DSTYK: variants seen among roughly 807,000 people sequenced by gnomAD.
The protein encoded by DSTYK is dual serine/threonine and tyrosine protein kinase, also known as RIP-homologous kinase.
A neutral mutation model predicts 98.7 loss-of-function variants in DSTYK; 34 were observed. That is an observed-to-expected ratio of 0.34 (90% CI 0.26 to 0.46). The LOEUF is 0.46. DSTYK is among the 20% of genes least tolerant of loss of function. The pLI is 1.00. For missense variants in DSTYK, 962 were observed against 1,181.7 expected (o/e 0.81, Z 2.73); for synonymous variants, 462 against 457.3 (o/e 1.01, Z -0.13).
At position 205,192,637 on chromosome 1, in the gene DSTYK, G is replaced by A. The variant is rs1173156634; in HGVS notation, c.266-4831C>T. Among the ~76,000 whole-genome samples the A allele has an allele frequency of 2.0e-5, 3 of 152,072 alleles. No homozygotes were observed. In the South Asian group the frequency reaches 6.2e-4, roughly 32 times the overall value. On this transcript the variant is annotated intron_variant, in intron 1 of 12. Transcript: ENST00000367162. ...AGCACTTTGGGAGGCCAAGGCAGGT[G>A]GATCACCTGAGGTCAGGAGTTCGAG...
chr1:205,171,655 C>T (rs776469832), intron 2 of DSTYK, among the ~76,000 whole-genome samples: 25 of 152,108 alleles, frequency 1.6e-4, no homozygotes, highest in Non-Finnish European at 3.5e-4. Context: ...ACATTGTCTA[C>T]TTTGCCTGGC....
At chr1:205,181,401 C>A (rs1658392194) in intron 2 of DSTYK, among the ~76,000 whole-genome samples, 1 of 152,152 alleles carries the variant, frequency 6.6e-6, no homozygotes, top group Non-Finnish European at 1.5e-5. Flanking sequence ...GTTGCCCAGG[C>A]TGGAGTGCAG....
At chr1:205,180,025 T>G (rs116762222) in intron 2 of DSTYK, among the ~76,000 whole-genome samples, 248 of 152,360 alleles carry the variant, frequency 1.6e-3, no homozygotes, top group African/African-American at 4.0e-3. Context: ...GTCAGATTTT[T>G]GCCTCAAGAG....
intron 2 of DSTYK, among the ~76,000 whole-genome samples, chr1:205,177,856 G>C (rs1411025578): frequency 1.3e-5 from 2 of 149,260 alleles, no homozygotes; most frequent in Non-Finnish European, 3.0e-5. Context: ...GACAGAGCGA[G>C]ACTTCATCTC....
intron 3 of DSTYK, among the ~76,000 whole-genome samples, chr1:205,167,591 A>G (rs186561235): frequency 1.3e-5 from 2 of 152,334 alleles, no homozygotes; most frequent in East Asian, 3.9e-4. Flanking sequence ...AGACCAACTG[A>G]CATAGAAAAT....
intron 2 of DSTYK, among the ~76,000 whole-genome samples, chr1:205,179,576 GC>G (rs1658335345): frequency 6.7e-6 from 1 of 148,546 alleles, no homozygotes; most frequent in African/African-American, 2.5e-5. Flanking sequence ...AGCCGAGATC[GC>G]GCCACTGCAC....
chr1:205,175,391 AG>A (rs1484124172), intron 2 of DSTYK, among the ~76,000 whole-genome samples: 1 of 152,280 alleles, frequency 6.6e-6, no homozygotes, highest in East Asian at 1.9e-4. Context: ...CGTGCCCGCC[AG>A]AAGCTGCCTA....
At chr1:205,207,822 CTTAA>C (rs1659255670) in intron 1 of DSTYK, among the ~76,000 whole-genome samples, 1 of 148,012 alleles carries the variant, frequency 6.8e-6, no homozygotes, top group Non-Finnish European at 1.5e-5. Context: ...CTCTGCTACT[CTTAA>C]TACTCCACCC....
Position 205,145,535 on chromosome 1 carries a change from T to G in DSTYK, c.*2023A>C, listed in dbSNP as rs1199437783. On this transcript the variant is annotated 3_prime_UTR_variant, in exon 13 of 13. Coordinates refer to ENST00000367162, the MANE Select transcript of DSTYK (RefSeq NM_015375.3). ...TCATCTTTGTTTTTTGTTTTTTTTT[T>G]TGTTTTTTTTTGAGATAGAGTCTCG... is the stretch of plus-strand genomic sequence containing the variant. 2 of 136,880 alleles carry G rather than the reference T, an allele frequency of 1.5e-5. No homozygotes were observed. Among genetic ancestry groups the G allele is most frequent in the East Asian group, 5.3e-4 (2 of 3,804 alleles). 8.5% of individuals were successfully genotyped at this position (136,880 alleles called of 1,614,324 possible).
intron 2 of DSTYK, among the ~76,000 whole-genome samples, chr1:205,171,593 G>A (rs1199963595): frequency 1.3e-5 from 2 of 151,778 alleles, no homozygotes; most frequent in Non-Finnish European, 2.9e-5. Context: ...AAGAGCATAT[G>A]TCCATCTACT....
rs1280018637 is a variant in DSTYK, at chr1:205,148,230, G to A, written c.2577C>T (p.Asp859=). 14 of 1,613,974 alleles carry A rather than the reference G, an allele frequency of 8.7e-6. No individual in the cohort carries two copies. The highest frequency in any genetic ancestry group is 1.0e-5 in the Non-Finnish European group (12 of 1,180,006). The change falls in exon 12 of 13, where the codon GAC becomes GAT. Residue 859 remains aspartate (D), a synonymous_variant. Coordinates refer to ENST00000367162, the MANE Select transcript of DSTYK (RefSeq NM_015375.3). The part of the protein sequence containing the change: ...PEAFERCASK[D]HLWNNVRRGA... Reference sequence around the variant, plus strand: ...CCCTCCGCACATTGTTCCAGAGATGGTCTTTGCTAGCACACCTCTCAAATG... The same window carrying A: ...CCCTCCGCACATTGTTCCAGAGATGATCTTTGCTAGCACACCTCTCAAATG...
At chr1:205,181,547 G>C (rs1230706883) in intron 2 of DSTYK, among the ~76,000 whole-genome samples, 1 of 151,834 alleles carries the variant, frequency 6.6e-6, no homozygotes, top group Non-Finnish European at 1.5e-5. Flanking sequence ...TAGTGACAGG[G>C]TTTTACCATG....
chr1:205,160,312 A>T, intron 7 of DSTYK, 42 bp from the exon 8 acceptor site: 1 of 1,569,332 alleles, frequency 6.4e-7, no homozygotes. Context: ...AGGAATGGGA[A>T]CTTCGTGGGC....
chr1:205,191,849 T>C (rs1658722276), intron 1 of DSTYK, among the ~76,000 whole-genome samples: 1 of 152,164 alleles, frequency 6.6e-6, no homozygotes, highest in African/African-American at 2.4e-5. Context: ...TTCAAGTTAA[T>C]CGAGTTTTCT....
intron 1 of DSTYK, among the ~76,000 whole-genome samples, chr1:205,209,894 T>TATC (rs1659321230): frequency 7.8e-6 from 1 of 128,676 alleles, no homozygotes; most frequent in South Asian, 2.4e-4. Context: ...TTATTATTAC[T>TATC]ATTATTATTA....
intron 2 of DSTYK, among the ~76,000 whole-genome samples, chr1:205,185,092 T>C (rs527589191): frequency 3.6e-4 from 54 of 152,086 alleles, no homozygotes; most frequent in Non-Finnish European, 6.8e-4. Context: ...TCCCAGCTAC[T>C]TGGGAGGCTG....
Position 205,169,669 on chromosome 1 carries a change from G to C in DSTYK, c.818C>G (p.Ser273Cys). 6.2e-7 allele frequency: 1 copy of C among 1,614,210 alleles called. No homozygotes were observed. Among genetic ancestry groups the C allele is most frequent in the Non-Finnish European group, 8.5e-7 (1 of 1,180,028 alleles). Residue 273 changes from serine (S) to cysteine (C), a missense_variant, in exon 3 of 13, where the codon TCC (serine) becomes TGC (cysteine). Physicochemically the swap from Ser to Cys is moderately radical, Grantham distance 112. Transcript: ENST00000367162. This position sits in a 1 kb window ranked among gnomAD's most constrained non-coding sequence, Gnocchi z 4.0. ...CACTTTGAAAAAGAATACAGGAAAG[G>C]AGAAATACTTTCGGATTTCCTGAAG... is the stretch of plus-strand genomic sequence containing the variant. ...QELQEIRKYF[S>C]FPVFFFKVPK...
intron 1 of DSTYK, among the ~76,000 whole-genome samples, chr1:205,209,462 C>T (rs1246193407): frequency 2.3e-5 from 3 of 130,914 alleles, no homozygotes; most frequent in African/African-American, 7.4e-5. Context: ...TATTTCTGGA[C>T]GTAAGATGTC....
intron 10 of DSTYK, among the ~76,000 whole-genome samples, chr1:205,154,079 G>GTA (rs924194857): frequency 3.3e-5 from 5 of 151,148 alleles, no homozygotes; most frequent in African/African-American, 1.2e-4. Flanking sequence ...GTGTGTGTGT[G>GTA]TGTGTGCATG....
Sources: gnomAD v4.1 joint callset for allele counts (sites outside exome capture counted in the v4.1 genomes callset) on GRCh38, gnomAD v4.1.1 for gene constraint, Gnocchi (gnomAD v3.1) non-coding constraint, MANE v1.5 for transcripts, NCBI Gene and HGNC (gene_info 2026-07-23, HGNC 2026-07-21) for gene names.